GPHN: variants seen among roughly 807,000 people sequenced by gnomAD.
GPHN encodes gephyrin.
GPHN carries 17 observed loss-of-function variants against 95.5 expected under a neutral mutation model. That is an observed-to-expected ratio of 0.18 (90% CI 0.12 to 0.27). The LOEUF is 0.27. Ranked by LOEUF, GPHN falls within the 10% of genes least tolerant of loss-of-function variation. GPHN has a pLI of 1.00. For synonymous variants in GPHN, 320 were observed against 322.5 expected, an observed-to-expected ratio of 0.99 and a Z score of 0.08; for missense variants, 660 against 978.1, an observed-to-expected ratio of 0.67 and a Z score of 4.34.
chr14:67,730,030 G>A, the GPHN span, among the ~76,000 whole-genome samples: 1 of 152,226 alleles, frequency 6.6e-6, no homozygotes, highest in Non-Finnish European at 1.5e-5. Flanking sequence ...TAGTCTTAGT[G>A]TCTGATGAGA....
At chr14:66,513,198 TAC>T (rs2058107232) in intron 1 of GPHN, among the ~76,000 whole-genome samples, 1 of 151,818 alleles carries the variant, frequency 6.6e-6, no homozygotes, top group Non-Finnish European at 1.5e-5. Context: ...TTAGTTGCTA[TAC>T]AATAAGAATT....
chr14:67,541,755 T>C, the GPHN span: 2 of 956,718 alleles, frequency 2.1e-6, no homozygotes, highest in Admixed American at 6.2e-5. Flanking sequence ...TGTCCTTTGG[T>C]CCCCTCCCGT....
intron 18 of GPHN, among the ~76,000 whole-genome samples, chr14:67,147,999 T>G (rs2080997070): frequency 2.0e-5 from 3 of 152,110 alleles, no homozygotes; most frequent in Admixed American, 6.6e-5. Flanking sequence ...AAAGCACATT[T>G]TTTCCTAAAT....
At chr14:67,572,054 T>C in the GPHN span, 1 of 1,508,698 alleles carries the variant, frequency 6.6e-7, no homozygotes, top group Non-Finnish European at 8.9e-7. Flanking sequence ...CCCGGGTGGG[T>C]GGTCAAGTCT....
At chr14:66,516,302 G>A (rs541125941) in intron 1 of GPHN, among the ~76,000 whole-genome samples, 14 of 152,012 alleles carry the variant, frequency 9.2e-5, no homozygotes, top group African/African-American at 3.4e-4. Flanking sequence ...ACAGATGTGA[G>A]CCACCGTGCC....
At chr14:66,932,462 T>TTTG (rs1475711016) in intron 8 of GPHN, among the ~76,000 whole-genome samples, 8 of 131,328 alleles carry the variant, frequency 6.1e-5, no homozygotes, top group Non-Finnish European at 8.0e-5. Flanking sequence ...TTTTTTTTTT[T>TTTG]TTTTTTTTTT....
Position 67,159,497 on chromosome 14 carries a change from A to G in GPHN, c.1910+9A>G, listed in dbSNP as rs1567425740. ...GTTTTTATGAAACCAGGGTATGAAA[A>G]TCATCTTGTTATCTCATATATGGGG... On this transcript the variant is annotated intron_variant, in intron 19 of 22. Transcript: ENST00000478722. 6.5e-7 allele frequency: 1 copy of G among 1,549,220 alleles called. No individual in the cohort carries two copies. The highest frequency in any genetic ancestry group is 8.9e-7 in the Non-Finnish European group (1 of 1,120,932).
At chr14:67,381,458 A>G in the GPHN span, 1 of 544,846 alleles carries the variant, frequency 1.8e-6, no homozygotes, top group Non-Finnish European at 3.2e-6. Flanking sequence ...TTTATAAATA[A>G]GGAACTGCAG....
At chr14:67,221,822 C>CATATGAT in the GPHN span, 1 of 1,612,210 alleles carries the variant, frequency 6.2e-7, no homozygotes, top group African/African-American at 1.3e-5. Context: ...GGAACAAATT[C>CATATGAT]CACTACATGT....
chr14:67,150,807 C>T (rs192174344), intron 18 of GPHN, among the ~76,000 whole-genome samples: 1 of 152,114 alleles, frequency 6.6e-6, no homozygotes, highest in African/African-American at 2.4e-5. Context: ...AATCCTCCTG[C>T]CTCAGCCTCC....
chr14:67,585,684 C>T, the GPHN span: 1,371 of 1,407,294 alleles, frequency 9.7e-4, 16 homozygotes, highest in African/African-American at 0.018. Context: ...GCTCCCTGAC[C>T]CCTCCTCTTC....
the GPHN span, among the ~76,000 whole-genome samples, chr14:67,255,548 A>G: frequency 2.0e-5 from 3 of 152,350 alleles, no homozygotes; most frequent in African/African-American, 7.2e-5. Context: ...TAATGATTGC[A>G]TAAGTGATTT....
chr14:67,706,125 TAAG>T, the GPHN span: 1 of 152,292 alleles, frequency 6.6e-6, no homozygotes, highest in South Asian at 2.1e-4. Flanking sequence ...CCAGGTTACC[TAAG>T]AAGGAGAGAA....
chr14:66,748,371 T>C (rs1374693256), intron 2 of GPHN, among the ~76,000 whole-genome samples: 3 of 152,036 alleles, frequency 2.0e-5, no homozygotes, highest in Non-Finnish European at 2.9e-5. Flanking sequence ...ATAGACTTTA[T>C]TTTTTGGCAG....
chr14:67,473,379 A>G, the GPHN span: 2 of 1,595,796 alleles, frequency 1.3e-6, no homozygotes, highest in African/African-American at 1.3e-5. The surrounding 1 kb of genome is among the most constrained non-coding windows in gnomAD (Gnocchi z 6.5). Flanking sequence ...TTTGTCCATG[A>G]GTTCCATGAG....
In GPHN at chr14:67,091,835, G is replaced by GTT. The variant is rs368856019; in HGVS notation, c.1237+2770_1237+2771dup. 6.9e-4 allele frequency among the ~76,000 whole-genome samples: 99 copies of GTT among 144,356 alleles called. 1 individual carries two copies. Among genetic ancestry groups the GTT allele is most frequent in the African/African-American group, 2.1e-3 (85 of 39,614 alleles). 94.7% of individuals were successfully genotyped at this position (144,356 alleles called of 152,430 possible). On this transcript the variant is annotated intron_variant, in intron 12 of 22. Coordinates refer to ENST00000478722, the MANE Select transcript of GPHN (RefSeq NM_020806.5). Reference sequence around the variant, plus strand: ...TCCTATTTATGCTTTTGTTTGAGAGGTTTTTTTTTTTGTTATTTCACCAAA... The same window carrying GTT: ...TCCTATTTATGCTTTTGTTTGAGAGGTTTTTTTTTTTTTGTTATTTCACCAAA...
At chr14:67,235,616 G>A in the GPHN span, among the ~76,000 whole-genome samples, 1 of 152,100 alleles carries the variant, frequency 6.6e-6, no homozygotes, top group Non-Finnish European at 1.5e-5. Context: ...TCAGGAGGCT[G>A]AGGCAGCAGA....
intron 2 of GPHN, among the ~76,000 whole-genome samples, chr14:66,752,126 C>A (rs1462666319): frequency 6.6e-6 from 1 of 152,016 alleles, no homozygotes; most frequent in Non-Finnish European, 1.5e-5. Context: ...TTCATAGAAT[C>A]GAAGAGAATT....
chr14:67,073,164 G>A (rs548158253), intron 11 of GPHN, among the ~76,000 whole-genome samples: 1 of 151,984 alleles, frequency 6.6e-6, no homozygotes, highest in Non-Finnish European at 1.5e-5. Flanking sequence ...AAGATCCAGG[G>A]TTCAAAAAGA....
Sources: gnomAD v4.1 joint callset for allele counts (sites outside exome capture counted in the v4.1 genomes callset) on GRCh38, gnomAD v4.1.1 for gene constraint, Gnocchi (gnomAD v3.1) non-coding constraint, MANE v1.5 for transcripts, NCBI Gene and HGNC (gene_info 2026-07-23, HGNC 2026-07-21) for gene names.